Variants in AFG2A observed in about 807,000 individuals in gnomAD.
The protein encoded by AFG2A is ATPase family gene 2 protein homolog A.
chr4:123,294,823 A>T, the AFG2A span, among the ~76,000 whole-genome samples: 1 of 152,198 alleles, frequency 6.6e-6, no homozygotes, highest in African/African-American at 2.4e-5. Context: ...AAAGACTAAA[A>T]ACCAGGGGCC....
the AFG2A span, among the ~76,000 whole-genome samples, chr4:123,262,977 T>C: frequency 6.6e-6 from 1 of 152,166 alleles, no homozygotes; most frequent in African/African-American, 2.4e-5. Context: ...CATGGTGTGG[T>C]CTAAAATCAG....
At chr4:123,239,481 CT>C in the AFG2A span, among the ~76,000 whole-genome samples, 1 of 152,308 alleles carries the variant, frequency 6.6e-6, no homozygotes, top group South Asian at 2.1e-4. Flanking sequence ...AACAGCGGCT[CT>C]CTCGGGCAGA....
the AFG2A span, among the ~76,000 whole-genome samples, chr4:123,238,288 T>G: frequency 6.6e-6 from 1 of 152,164 alleles, no homozygotes. Context: ...TCTGCAGACT[T>G]AAACGTCCCT....
the AFG2A span, among the ~76,000 whole-genome samples, chr4:123,239,435 A>T: frequency 1.3e-5 from 2 of 152,200 alleles, no homozygotes; most frequent in African/African-American, 4.8e-5. Flanking sequence ...CCTGAGAGAA[A>T]GGTCAGATTA....
the AFG2A span, among the ~76,000 whole-genome samples, chr4:123,110,505 T>C: frequency 6.6e-6 from 1 of 152,196 alleles, no homozygotes; most frequent in African/African-American, 2.4e-5. Flanking sequence ...TTTATAGGTA[T>C]ATCTACAGAA....
the AFG2A span, chr4:122,936,226 C>T: frequency 1.2e-4 from 146 of 1,178,186 alleles, no homozygotes; most frequent in Non-Finnish European, 1.7e-4. Flanking sequence ...GATACTAGCA[C>T]CTTATACAAA....
At chr4:123,081,302 ATCC>A in the AFG2A span, among the ~76,000 whole-genome samples, 2 of 152,134 alleles carry the variant, frequency 1.3e-5, no homozygotes, top group Non-Finnish European at 2.9e-5. Context: ...CTGGCAACTG[ATCC>A]TTTTACAGTC....
chr4:123,180,799 G>A, the AFG2A span, among the ~76,000 whole-genome samples: 3 of 151,934 alleles, frequency 2.0e-5, no homozygotes. Context: ...GATTGTGTGG[G>A]TAATATTCTT....
At chr4:123,017,950 T>C in the AFG2A span, among the ~76,000 whole-genome samples, 1 of 152,228 alleles carries the variant, frequency 6.6e-6, no homozygotes, top group African/African-American at 2.4e-5. Context: ...TCCTCTCTCA[T>C]AGTAATTTTT....
At chr4:123,209,586 A>ATTTTTTTTTTTTTTTTT in the AFG2A span, among the ~76,000 whole-genome samples, 2 of 116,294 alleles carry the variant, frequency 1.7e-5, no homozygotes, top group Non-Finnish European at 3.4e-5. Context: ...TGCATCAAGA[A>ATTTTTTTTTTTTTTTTT]TTTTTTTTTT....
At chr4:122,932,771 A>G in the AFG2A span, among the ~76,000 whole-genome samples, 2 of 152,160 alleles carry the variant, frequency 1.3e-5, no homozygotes, top group African/African-American at 2.4e-5. Flanking sequence ...CCCTTTCTCC[A>G]GAAAAAAACC....
At chr4:123,132,740 G>GGCATCTCTTCC in the AFG2A span, among the ~76,000 whole-genome samples, 1 of 151,000 alleles carries the variant, frequency 6.6e-6, no homozygotes, top group East Asian at 2.0e-4. Flanking sequence ...TGGAAGTGAA[G>GGCATCTCTTCC]GCATCTCTTC....
the AFG2A span, among the ~76,000 whole-genome samples, chr4:122,939,071 C>CTCTCTTTTTT: frequency 1.3e-5 from 1 of 76,210 alleles, no homozygotes; most frequent in Non-Finnish European, 2.4e-5. Flanking sequence ...GGGATATGTT[C>CTCTCTTTTTT]TTTCTTTTTT....
the AFG2A span, among the ~76,000 whole-genome samples, chr4:123,149,741 A>G: frequency 4.0e-5 from 6 of 151,060 alleles, no homozygotes; most frequent in Middle Eastern, 3.4e-3. Flanking sequence ...TGTGATTTTC[A>G]TCATGTAGCA....
chr4:123,088,563 C>T, the AFG2A span, among the ~76,000 whole-genome samples: 1 of 152,142 alleles, frequency 6.6e-6, no homozygotes, highest in Non-Finnish European at 1.5e-5. Context: ...ACCCAACTCT[C>T]ATGTCAAATT....
chr4:123,221,977 G>A, the AFG2A span, among the ~76,000 whole-genome samples: 1 of 151,716 alleles, frequency 6.6e-6, no homozygotes, highest in African/African-American at 2.4e-5. Context: ...TATTTCTTTT[G>A]AACAACACTG....
the AFG2A span, among the ~76,000 whole-genome samples, chr4:123,095,587 A>T: frequency 2.6e-5 from 4 of 152,164 alleles, no homozygotes; most frequent in Non-Finnish European, 5.9e-5. Context: ...TAAAACAACA[A>T]CATCCTGTTA....
the AFG2A span, chr4:122,947,089 A>T: frequency 6.7e-6 from 4 of 598,994 alleles, no homozygotes; most frequent in Non-Finnish European, 1.0e-5. Flanking sequence ...AAAGTAATTG[A>T]TAGGTAATGA....
chr4:123,015,868 C>T, the AFG2A span, among the ~76,000 whole-genome samples: 1 of 67,808 alleles, frequency 1.5e-5, no homozygotes, highest in Non-Finnish European at 3.9e-5. Flanking sequence ...GGCTGACCCC[C>T]CCACCTCCCT....
Sources: gnomAD v4.1 joint callset for allele counts (sites outside exome capture counted in the v4.1 genomes callset) on GRCh38, gnomAD v4.1.1 for gene constraint, MANE v1.5 for transcripts, NCBI Gene and HGNC (gene_info 2026-07-23, HGNC 2026-07-21) for gene names.